Variants in NR1D2 observed in about 807,000 individuals in gnomAD.
NR1D2 encodes nuclear receptor subfamily 1 group D member 2.
A neutral mutation model predicts 52.2 loss-of-function variants in NR1D2; 25 were observed. That is an observed-to-expected ratio of 0.48 (90% CI 0.35 to 0.67). NR1D2 has a LOEUF of 0.67. Ranked by LOEUF, NR1D2 falls within the 30% of genes least tolerant of loss-of-function variation. NR1D2 has a pLI of 0.01. For missense variants in NR1D2, 681 were observed against 707.2 expected (o/e 0.96, Z 0.42); for synonymous variants, 259 against 230.1 (o/e 1.13, Z -1.14).
rs2058287872 is a variant in NR1D2 at position 23,977,307 on chromosome 3, A to G, written c.1628A>G (p.Asn543Ser). ...GCACTAAGGACCTTAATAATGAAAAACCATCCAAATGAGGCCTCTATTTTT... is the reference window on the plus strand; with the variant it reads ...GCACTAAGGACCTTAATAATGAAAAGCCATCCAAATGAGGCCTCTATTTTT... ...IRALRTLIMK[N>S]HPNEASIFTK... Residue 543 changes from asparagine (N) to serine (S), a missense_variant, in exon 8 of 8, where the codon AAC (asparagine) becomes AGC (serine). Physicochemically the swap from Asn to Ser is conservative, Grantham distance 46 (BLOSUM62 1). Coordinates refer to ENST00000312521, the MANE Select transcript of NR1D2 (RefSeq NM_005126.5). The G allele has an allele frequency of 1.2e-6, 2 of 1,613,470 alleles. No homozygotes were observed. Among genetic ancestry groups the G allele is most frequent in the South Asian group, 2.2e-5 (2 of 91,044 alleles).
intron 1 of NR1D2, among the ~76,000 whole-genome samples, chr3:23,947,265 C>G (rs1705759957): frequency 6.6e-6 from 1 of 152,200 alleles, no homozygotes; most frequent in African/African-American, 2.4e-5. Flanking sequence ...AAGTTTTTCT[C>G]TGGTTTGAGC....
chr3:23,948,132 AG>A (rs1400752972), intron 1 of NR1D2, among the ~76,000 whole-genome samples: 5 of 150,186 alleles, frequency 3.3e-5, no homozygotes, highest in African/African-American at 9.9e-5. Flanking sequence ...AAAAAAAAAA[AG>A]CCTTTTAACT....
intron 7 of NR1D2, among the ~76,000 whole-genome samples, chr3:23,974,478 C>A (rs568437175): frequency 6.6e-6 from 1 of 152,082 alleles, no homozygotes; most frequent in Non-Finnish European, 1.5e-5. Context: ...AACATTGTTA[C>A]GTGGCACATG....
rs1264674856 is a variant in NR1D2, at chr3:23,978,420, TTTTG to T, written c.*1005_*1008del. 1 of 152,142 alleles carries T rather than the reference TTTTG, an allele frequency of 6.6e-6. No homozygotes were observed. The highest frequency in any genetic ancestry group is 1.5e-5 in the Non-Finnish European group (1 of 68,008). 9.4% of individuals were successfully genotyped at this position (152,142 alleles called of 1,614,324 possible). A position where few individuals can be genotyped will look rare whatever the true frequency, so the allele number is the denominator to read the frequency against. On this transcript the variant is annotated 3_prime_UTR_variant, in exon 8 of 8. Transcript: ENST00000312521. The stretch of plus-strand genomic sequence containing the variant: ...GTAGAATATTGAATTTATGCTCTAT[TTTTG>T]TTTATTTAAGCAACACTTAATGTAA...
intron 1 of NR1D2, among the ~76,000 whole-genome samples, chr3:23,952,975 A>G (rs1243421545): frequency 5.3e-5 from 8 of 150,920 alleles, no homozygotes; most frequent in Non-Finnish European, 8.9e-5. Flanking sequence ...TTTCTTGCCT[A>G]AAGACGGCAA....
At position 23,961,985 on chromosome 3, in the gene NR1D2, T is replaced by G; in HGVS notation, c.526T>G (p.Phe176Val). Residue 176 changes from phenylalanine to valine, a missense_variant, in exon 5 of 8, where the codon TTT becomes GTT. Phe to Val is a conservative substitution (Grantham distance 50). Transcript: ENST00000312521. ...SVGMSRDAVR[F>V]GRIPKREKQR... The stretch of plus-strand genomic sequence containing the variant: ...ATCTTTTTCTTCAATAGCTGTTCGG[T>G]TTGGTCGTATTCCTAAGCGTGAAAA... The G allele has an allele frequency of 6.3e-7, 1 of 1,598,304 alleles. No homozygotes were observed. Among genetic ancestry groups the G allele is most frequent in the Non-Finnish European group, 8.5e-7 (1 of 1,170,850 alleles).
At chr3:23,964,589 T>C (rs1706389439) in intron 5 of NR1D2, among the ~76,000 whole-genome samples, 1 of 152,222 alleles carries the variant, frequency 6.6e-6, no homozygotes, top group South Asian at 2.1e-4. Context: ...ATGGAAATTA[T>C]AATCTGCCAT....
At chr3:23,946,379 C>G (rs1442893839) in intron 1 of NR1D2, 2 of 845,784 alleles carry the variant, frequency 2.4e-6, no homozygotes, top group Non-Finnish European at 2.8e-6. Flanking sequence ...CCGGAGGAGG[C>G]GCCTCGGGGA....
chr3:23,970,570 T>C (rs545713731), intron 7 of NR1D2, among the ~76,000 whole-genome samples: 2 of 152,336 alleles, frequency 1.3e-5, no homozygotes, highest in South Asian at 4.1e-4. Flanking sequence ...CCTATCCATC[T>C]ATCCATTTAC....
Position 23,980,509 on chromosome 3 carries a change from TAA to T in NR1D2, c.*3091_*3092del, listed in dbSNP as rs543976036. ...AATACATTGTTGATGGGATATGAGT[TAA>T]GTTTATTTTCTACAAACTGTAATTG... On this transcript the variant is annotated 3_prime_UTR_variant, in exon 8 of 8. Coordinates refer to ENST00000312521, the MANE Select transcript of NR1D2 (RefSeq NM_005126.5). 2 of 152,178 alleles carry T rather than the reference TAA, an allele frequency of 1.3e-5. No individual in the cohort carries two copies. The highest frequency in any genetic ancestry group is 2.9e-5 in the Non-Finnish European group (2 of 68,020). The allele number at this position is 152,178 out of a possible 1,614,324, so 9.4% of individuals were successfully genotyped here.
rs1705635178 is a variant in NR1D2 at position 23,945,548 on chromosome 3, G to A, written c.-31G>A. 2 of 1,149,332 alleles carry A rather than the reference G, an allele frequency of 1.7e-6. No homozygotes were observed. Among genetic ancestry groups the A allele is most frequent in the Non-Finnish European group, 2.2e-6 (2 of 928,412 alleles). 71.2% of individuals were successfully genotyped at this position (1,149,332 alleles called of 1,614,324 possible). A position where few individuals can be genotyped will look rare whatever the true frequency, so the allele number is the denominator to read the frequency against. On this transcript the variant is annotated 5_prime_UTR_variant, in exon 1 of 8. Transcript: ENST00000312521. ...CGGCGCTGCCCCCTCTGCGGGAAGC[G>A]GGCGGCCCCGGCCGCCTCCGCGAGG...
chr3:23,963,269 C>T (rs770080289), intron 5 of NR1D2: 1 of 1,351,678 alleles, frequency 7.4e-7, no homozygotes, highest in South Asian at 1.1e-5. Context: ...ACAGCAGTAC[C>T]ACACCATTTC....
chr3:23,967,064 G>T (rs552916619), intron 6 of NR1D2, among the ~76,000 whole-genome samples: 21 of 152,264 alleles, frequency 1.4e-4, no homozygotes, highest in African/African-American at 4.8e-4. Context: ...TGTGGCTCAT[G>T]CCTGTAATTC....
At position 23,965,147 on chromosome 3, in the gene NR1D2, G is replaced by C. The variant is rs751515943; in HGVS notation, c.1317G>C (p.Lys439Asn). ...LSQHDQVNLL[K>N]AGTFEVLMVR... is the part of the protein sequence containing the mutation. ...AGCATGACCAGGTCAACCTTTTAAA[G>C]GCTGGGACTTTTGAGGTAGGTTTTA... The change falls in exon 6 of 8, where the codon AAG becomes AAC. Residue 439 changes from lysine to asparagine, a missense_variant. Lys to Asn is a moderately conservative substitution (Grantham distance 94, BLOSUM62 0). Transcript: ENST00000312521. The C allele has an allele frequency of 1.2e-6, 2 of 1,604,692 alleles. No homozygotes were observed. Among genetic ancestry groups the C allele is most frequent in the Non-Finnish European group, 8.5e-7 (1 of 1,177,424 alleles).
At position 23,978,633 on chromosome 3, in the gene NR1D2, A is replaced by AT; in HGVS notation, c.*1214_*1215insT. ...TATACACATGCTGCAGCTTGATGTT[A>AT]AAGAATTTTTATTCTTTCTGAAGAA... On this transcript the variant is annotated 3_prime_UTR_variant, in exon 8 of 8. Transcript: ENST00000312521. The AT allele has an allele frequency of 6.6e-6, 1 of 152,114 alleles. No individual in the cohort carries two copies. Among genetic ancestry groups the AT allele is most frequent in the Non-Finnish European group, 1.5e-5 (1 of 67,994 alleles). The allele number at this position is 152,114 out of a possible 1,614,324, so 9.4% of individuals were successfully genotyped here.
chr3:23,946,300 T>G (rs1705705870), intron 1 of NR1D2: 3 of 985,266 alleles, frequency 3.0e-6, no homozygotes, highest in Non-Finnish European at 3.6e-6. Context: ...AACCGGCGCC[T>G]GGGGAGGCTG....
intron 1 of NR1D2, among the ~76,000 whole-genome samples, chr3:23,952,402 A>T (rs1303448275): frequency 1.3e-5 from 2 of 152,024 alleles, no homozygotes; most frequent in African/African-American, 4.8e-5. Context: ...ATATAGTTGA[A>T]TTTATGTATG....
intron 2 of NR1D2, 97 bp downstream of exon 2, chr3:23,954,900 A>G (rs2125285659): frequency 9.3e-7 from 1 of 1,075,082 alleles, no homozygotes; most frequent in Non-Finnish European, 1.4e-6. Context: ...GTTTCTGGGT[A>G]CAGTTTTCAC....
intron 5 of NR1D2, among the ~76,000 whole-genome samples, chr3:23,964,372 C>T (rs937220552): frequency 3.9e-5 from 6 of 152,172 alleles, no homozygotes; most frequent in Admixed American, 3.3e-4. Context: ...CCACTGCGCC[C>T]GGCCAGGCAG....
Sources: allele counts gnomAD v4.1 joint callset (sites outside exome capture counted in the v4.1 genomes callset), GRCh38; gene constraint gnomAD v4.1.1; transcripts MANE v1.5; gene names NCBI Gene and HGNC (gene_info 2026-07-23, HGNC 2026-07-21).